The following CCT6B variants were observed in gnomAD, a reference collection of about 807,000 sequenced individuals.
CCT6B encodes the protein chaperonin containing TCP1 subunit 6B.
In CCT6B, 49 loss-of-function variants were observed where a neutral mutation model predicts 61.5. That is an observed-to-expected ratio of 0.80 (90% CI 0.63 to 1.01). The LOEUF (loss-of-function observed/expected upper bound fraction) is 1.01. CCT6B is among the 50% of genes least tolerant of loss of function. CCT6B has a pLI of 0.00. For synonymous variants in CCT6B, 228 were observed against 214.5 expected, an observed-to-expected ratio of 1.06 and a Z score of -0.55; for missense variants, 666 against 634.7, an observed-to-expected ratio of 1.05 and a Z score of -0.53.
chr17:34,943,474 A>G (rs1355746522), intron 5 of CCT6B: 2 of 152,236 alleles, frequency 1.3e-5, no homozygotes, highest in African/African-American at 4.8e-5. Context: ...GATGGTTATA[A>G]AAAGTATGTA....
chr17:34,952,750 A>G (rs1033463571), intron 4 of CCT6B, among the ~76,000 whole-genome samples: 1 of 152,244 alleles, frequency 6.6e-6, no homozygotes, highest in African/African-American at 2.4e-5. Context: ...TGCAGAAATT[A>G]AGGGCTAAGT....
chr17:34,929,583 G>A (rs371979409), intron 12 of CCT6B, among the ~76,000 whole-genome samples: 1 of 148,490 alleles, frequency 6.7e-6, no homozygotes, highest in African/African-American at 2.5e-5. Flanking sequence ...GTGCCATCTC[G>A]GCTCCCTGCA....
chr17:34,938,056 T>C (rs1414855085), intron 10 of CCT6B, among the ~76,000 whole-genome samples: 2 of 151,808 alleles, frequency 1.3e-5, no homozygotes, highest in African/African-American at 4.8e-5. Context: ...CGCCTGGCTA[T>C]TTGTGTGTGT....
rs1165835126 is a variant in CCT6B at position 34,958,589 on chromosome 17, A to G, written c.307T>C (p.Leu103=). 2.5e-6 allele frequency: 4 copies of G among 1,584,440 alleles called. No individual in the cohort carries two copies. The highest frequency in any genetic ancestry group is 3.4e-6 in the Non-Finnish European group (4 of 1,164,454). The stretch of plus-strand genomic sequence containing the variant: ...GAAATGTACAGGTCAGCTTGTTTTA[A>G]TAACTCTCCAATAATTAGAACATTT... The part of the protein sequence containing the change: ...TSNVLIIGEL[L]KQADLYISEG... The change falls in exon 3 of 14, where the codon TTA becomes CTA. Residue 103 remains leucine (L), a synonymous_variant. Coordinates refer to ENST00000314144, the MANE Select transcript of CCT6B (RefSeq NM_006584.4).
chr17:34,950,613 T>C (rs1323227038), intron 5 of CCT6B, among the ~76,000 whole-genome samples: 3 of 152,206 alleles, frequency 2.0e-5, no homozygotes, highest in Non-Finnish European at 4.4e-5. Context: ...GAAAACCTAA[T>C]TAGTCCTATA....
rs1039799613 is a variant in CCT6B, at chr17:34,954,580, A to G, written c.356T>C (p.Ile119Thr). The G allele has an allele frequency of 6.2e-7, 1 of 1,613,224 alleles. No homozygotes were observed. Among genetic ancestry groups the G allele is most frequent in the African/African-American group, 1.3e-5 (1 of 74,882 alleles). ...YISEGLHPRIIAEGFEAAKIK... is the reference protein window; with the variant it reads ...YISEGLHPRITAEGFEAAKIK... ...CTTTGCAGCTTCAAATCCTTCAGCTATTATTCTAGGGTGCAGGCCCTGTTA... is the reference window on the plus strand; with the variant it reads ...CTTTGCAGCTTCAAATCCTTCAGCTGTTATTCTAGGGTGCAGGCCCTGTTA... The change falls in exon 4 of 14, where the codon ATA becomes ACA. Residue 119 changes from isoleucine (I) to threonine (T), a missense_variant. Physicochemically the swap from Ile to Thr is moderately conservative, Grantham distance 89. Coordinates refer to ENST00000314144, the MANE Select transcript of CCT6B (RefSeq NM_006584.4).
rs2090047048 is a variant in CCT6B at position 34,932,474 on chromosome 17, T to C, written c.1240A>G (p.Ile414Val). Residue 414 changes from isoleucine to valine, a missense_variant, in exon 11 of 14, where the codon ATT becomes GTT. Coordinates refer to ENST00000314144, the MANE Select transcript of CCT6B (RefSeq NM_006584.4). Reference sequence around the variant, plus strand: ...AGAGCTTCAGCCATTGCCACTTCAATTGCACCAGCTCCAGGAACCATACAA... The same window carrying C: ...AGAGCTTCAGCCATTGCCACTTCAACTGCACCAGCTCCAGGAACCATACAA... ...DGCMVPGAGA[I>V]EVAMAEALVT... The C allele has an allele frequency of 1.9e-6, 3 of 1,610,998 alleles. No individual in the cohort carries two copies. Among genetic ancestry groups the C allele is most frequent in the Non-Finnish European group, 2.5e-6 (3 of 1,178,898 alleles).
chr17:34,936,315 A>G (rs2090093360), intron 10 of CCT6B, among the ~76,000 whole-genome samples: 1 of 152,176 alleles, frequency 6.6e-6, no homozygotes, highest in Admixed American at 6.5e-5. Context: ...CCTCAACCTG[A>G]TAAAAACCTA....
chr17:34,957,368 T>C (rs548177380), intron 3 of CCT6B, among the ~76,000 whole-genome samples: 48 of 152,074 alleles, frequency 3.2e-4, no homozygotes, highest in Middle Eastern at 3.4e-3. Context: ...GGTCTCGAAC[T>C]CCCGACCTCA....
At chr17:34,951,470 A>G (rs1013968383) in intron 5 of CCT6B, among the ~76,000 whole-genome samples, 1 of 152,220 alleles carries the variant, frequency 6.6e-6, no homozygotes, top group Non-Finnish European at 1.5e-5. Flanking sequence ...AGTTTTCTAT[A>G]ATACAAAGTT....
chr17:34,958,282 A>C (rs926888679), intron 3 of CCT6B, among the ~76,000 whole-genome samples: 1 of 152,122 alleles, frequency 6.6e-6, no homozygotes, highest in Non-Finnish European at 1.5e-5. Flanking sequence ...TGTCTCTAAA[A>C]AAAATACAAA....
chr17:34,953,413 C>T (rs1046272072), intron 4 of CCT6B, among the ~76,000 whole-genome samples: 1 of 150,924 alleles, frequency 6.6e-6, no homozygotes, highest in African/African-American at 2.4e-5. Flanking sequence ...TCACTGCAAC[C>T]TCCCCCTCCC....
intron 12 of CCT6B, among the ~76,000 whole-genome samples, chr17:34,930,659 G>T (rs987168061): frequency 4.6e-5 from 7 of 152,158 alleles, no homozygotes; most frequent in Admixed American, 1.3e-4. Context: ...TGCTGAAGGA[G>T]TTTATTTATT....
intron 1 of CCT6B, among the ~76,000 whole-genome samples, chr17:34,960,544 A>G (rs570082051): frequency 1.3e-5 from 2 of 152,330 alleles, no homozygotes; most frequent in African/African-American, 2.4e-5. Context: ...GCATCTATAT[A>G]TAATTAGCAC....
Position 34,931,057 on chromosome 17 carries a change from G to A in CCT6B, c.1348-6C>T. ...CCAGCATTCTGAGCAAGAACCTTTA[G>A]GAATAAAAATAATAATATATATTAT... On this transcript the variant is annotated splice_region_variant and splice_polypyrimidine_tract_variant and intron_variant, in intron 11 of 13. Transcript: ENST00000314144. The A allele has an allele frequency of 7.7e-7, 1 of 1,290,720 alleles. No homozygotes were observed. The highest frequency in any genetic ancestry group is 1.5e-5 in the South Asian group (1 of 65,778). The allele number at this position is 1,290,720 out of a possible 1,614,324, so 80.0% of individuals were successfully genotyped here. A position where few individuals can be genotyped will look rare whatever the true frequency, so the allele number is the denominator to read the frequency against.
intron 9 of CCT6B, 67 bp from the exon 10 acceptor site, chr17:34,939,397 T>C: frequency 7.7e-7 from 1 of 1,297,882 alleles, no homozygotes; most frequent in East Asian, 2.5e-5. Context: ...CAATTTATAC[T>C]AGAATACAAT....
intron 5 of CCT6B, chr17:34,949,665 A>G (rs920514510): frequency 6.6e-6 from 1 of 152,216 alleles, no homozygotes; most frequent in Non-Finnish European, 1.5e-5. Context: ...AAGTCACTTC[A>G]TATCAGTACA....
chr17:34,933,426 C>T (rs182653081), intron 10 of CCT6B, among the ~76,000 whole-genome samples: 215 of 152,226 alleles, frequency 1.4e-3, no homozygotes, highest in Non-Finnish European at 2.4e-3. Flanking sequence ...AACAATCTCC[C>T]CTTTTATCTC....
chr17:34,944,079 T>TA (rs2090197010), intron 5 of CCT6B: 1 of 152,206 alleles, frequency 6.6e-6, no homozygotes, highest in African/African-American at 2.4e-5. Context: ...AATTTTACTT[T>TA]AACTAGATTA....
Sources: gnomAD v4.1 joint callset for allele counts (sites outside exome capture counted in the v4.1 genomes callset) on GRCh38, gnomAD v4.1.1 for gene constraint, MANE v1.5 for transcripts, NCBI Gene and HGNC (gene_info 2026-07-23, HGNC 2026-07-21) for gene names.